The following TNIK variants were observed in gnomAD, a reference collection of about 807,000 sequenced individuals.
TNIK encodes the protein TRAF2 and NCK interacting kinase, also known as TRAF2 and NCK-interacting protein kinase.
In TNIK, 49 loss-of-function variants were observed where a neutral mutation model predicts 191.3. The observed-to-expected ratio is 0.26, with a 90% CI of 0.20 to 0.32. TNIK has a LOEUF of 0.32. Ranked by LOEUF, TNIK falls within the 10% of genes least tolerant of loss-of-function variation. The pLI, the probability that TNIK is intolerant of heterozygous loss-of-function variation, is 1.00. For missense variants in TNIK, 1,155 were observed against 1,702.3 expected, an observed-to-expected ratio of 0.68 and a Z score of 5.66; for synonymous variants, 594 against 600.9, an observed-to-expected ratio of 0.99 and a Z score of 0.17.
chr3:171,246,593 A>G (rs1365650221), intron 2 of TNIK, among the ~76,000 whole-genome samples: 1 of 152,138 alleles, frequency 6.6e-6, no homozygotes, highest in Non-Finnish European at 1.5e-5. Flanking sequence ...TGACTTCTGC[A>G]TTTTCTTTAT....
chr3:171,343,010 A>T (rs1711539732), intron 2 of TNIK, among the ~76,000 whole-genome samples: 1 of 152,230 alleles, frequency 6.6e-6, no homozygotes, highest in South Asian at 2.1e-4. Flanking sequence ...TTCCACCATA[A>T]TAATGAGGCC....
chr3:171,201,128 A>G (rs969767835), intron 4 of TNIK, among the ~76,000 whole-genome samples: 3 of 152,186 alleles, frequency 2.0e-5, no homozygotes, highest in Non-Finnish European at 4.4e-5. Context: ...GGCTGGGCAC[A>G]GTGGCTTACG....
Position 171,140,525 on chromosome 3 carries a change from C to G in TNIK, c.1222-16G>C. 1 of 1,611,680 alleles carries G rather than the reference C, an allele frequency of 6.2e-7. No individual in the cohort carries two copies. The highest frequency in any genetic ancestry group is 8.5e-7 in the Non-Finnish European group (1 of 1,178,778). On this transcript the variant is annotated splice_polypyrimidine_tract_variant and intron_variant, in intron 12 of 32. Transcript: ENST00000436636. ...GCCTTTGTTGCTGTGGGGCAACAAG[C>G]AGACAACCATGAAGGCAACAGGCCC...
In TNIK at chr3:171,366,554, AATTAT is replaced by A. The variant is rs1288874734; in HGVS notation, c.123+3061_123+3065del. Among the ~76,000 whole-genome samples, 1 of 152,106 alleles carries A rather than the reference AATTAT, an allele frequency of 6.6e-6. No homozygotes were observed. The highest frequency in any genetic ancestry group is 2.4e-5 in the African/African-American group (1 of 41,438). The stretch of plus-strand genomic sequence containing the variant: ...TTTCTTTAAAACTACCTGTAAACAA[AATTAT>A]ATTATGACTCTCTTAGGGCAGCTTA... On this transcript the variant is annotated intron_variant, in intron 2 of 32. Coordinates refer to ENST00000436636, the MANE Select transcript of TNIK (RefSeq NM_015028.4). This position sits in a 1 kb window ranked among gnomAD's most constrained non-coding sequence, Gnocchi z 4.1.
At chr3:171,434,129 T>C (rs963039833) in intron 1 of TNIK, among the ~76,000 whole-genome samples, 4 of 151,754 alleles carry the variant, frequency 2.6e-5, no homozygotes, top group Non-Finnish European at 5.9e-5. Context: ...AGAGGCAGGG[T>C]TTTGCCATAT....
At chr3:171,141,055 G>A (rs979353946) in intron 12 of TNIK, among the ~76,000 whole-genome samples, 2 of 152,128 alleles carry the variant, frequency 1.3e-5, no homozygotes, top group East Asian at 3.9e-4. Context: ...GCCTGTCTGT[G>A]TTTTCTGGAG....
rs1250978149 is a variant in TNIK, at chr3:171,154,278, T to G, written c.1221+3182A>C. 2.0e-5 allele frequency among the ~76,000 whole-genome samples: 3 copies of G among 149,892 alleles called. No individual in the cohort carries two copies. The East Asian group carries it at 5.9e-4, about 29-fold the overall frequency. On this transcript the variant is annotated intron_variant, in intron 12 of 32. Transcript: ENST00000436636. ...TCTCTTCAAAAAAAAAAAAAAAAAT[T>G]CATGGGATGGAGCCAAAGTGTATAT... is the stretch of plus-strand genomic sequence containing the variant.
chr3:171,371,919 A>G (rs574845537), intron 1 of TNIK, among the ~76,000 whole-genome samples: 3 of 148,882 alleles, frequency 2.0e-5, no homozygotes, highest in Non-Finnish European at 3.0e-5. Flanking sequence ...TGTTTTCAAC[A>G]TTCATTTTTC....
intron 2 of TNIK, among the ~76,000 whole-genome samples, chr3:171,235,769 G>T (rs371427914): frequency 2.0e-5 from 1 of 49,354 alleles, no homozygotes; most frequent in Admixed American, 2.0e-4. Flanking sequence ...TTGTTTTGGT[G>T]GGGGGGGGGT....
intron 2 of TNIK, among the ~76,000 whole-genome samples, chr3:171,302,194 C>T (rs1752960547): frequency 6.6e-6 from 1 of 152,124 alleles, no homozygotes; most frequent in South Asian, 2.1e-4. Context: ...TAAGGGGCCA[C>T]TTGGATGAAG....
Position 171,258,165 on chromosome 3 carries a change from T to C in TNIK, c.124-29944A>G, listed in dbSNP as rs192535188. Among the ~76,000 whole-genome samples, 204 of 152,280 alleles carry C rather than the reference T, an allele frequency of 1.3e-3. 3 individuals carry two copies. The East Asian group carries it at 0.031, about 23-fold the overall frequency. On this transcript the variant is annotated intron_variant, in intron 2 of 32. Transcript: ENST00000436636. The stretch of plus-strand genomic sequence containing the variant: ...AGACACGTGGGCAGTAAAATATAGC[T>C]GTACCAAGGCTTTGTGGCCATAACT...
chr3:171,117,698 C>T lies in TNIK; in HGVS notation c.2120+5898G>A, dbSNP rs186162162. On this transcript the variant is annotated intron_variant, in intron 18 of 32. Coordinates refer to ENST00000436636, the MANE Select transcript of TNIK (RefSeq NM_015028.4). ...TAAAAATATGTTCTCTGGCCGGGCG[C>T]GGTGGCTCACACCTGTAATCCCAGC... 9.1e-4 allele frequency among the ~76,000 whole-genome samples: 138 copies of T among 152,242 alleles called. 1 individual carries two copies. In the Middle Eastern group the frequency reaches 0.031, roughly 34 times the overall value.
chr3:171,388,652 G>T (rs1469876565), intron 1 of TNIK, among the ~76,000 whole-genome samples: 1 of 152,140 alleles, frequency 6.6e-6, no homozygotes, highest in East Asian at 1.9e-4. Context: ...TACTTCAACT[G>T]CTTTCAGTTA....
At position 171,085,153 on chromosome 3, in the gene TNIK, T is replaced by G; in HGVS notation, c.2963A>C (p.Asp988Ala). 6.2e-7 allele frequency: 1 copy of G among 1,611,706 alleles called. No individual in the cohort carries two copies. The highest frequency in any genetic ancestry group is 8.5e-7 in the Non-Finnish European group (1 of 1,178,968). Residue 988 changes from aspartate to alanine, a missense_variant, in exon 25 of 33, where the codon GAT becomes GCT. Around this residue, in one of 3 missense-constraint regions of TNIK, gnomAD observed 735 missense variants for 848.0 expected, o/e 0.87. Transcript: ENST00000436636. ...DPRVYQTSPT[D>A]EDEEDEESSA... ...TGATTCCTCATCCTCTTCATCTTCA[T>G]CAGTGGGAGACGTCTGGTATACTCT...
chr3:171,305,151 T>C (rs1281111094), intron 2 of TNIK, among the ~76,000 whole-genome samples: 1 of 151,488 alleles, frequency 6.6e-6, no homozygotes, highest in African/African-American at 2.4e-5. Flanking sequence ...TTAACAGCAC[T>C]AGTCACTTAG....
intron 28 of TNIK, among the ~76,000 whole-genome samples, chr3:171,071,718 GA>G (rs1719209456): frequency 6.6e-6 from 1 of 152,118 alleles, no homozygotes; most frequent in Non-Finnish European, 1.5e-5. Flanking sequence ...CAAGATGGTA[GA>G]AAAATTAGCA....
intron 2 of TNIK, among the ~76,000 whole-genome samples, chr3:171,357,259 ACT>A (rs1714226182): frequency 6.6e-6 from 1 of 151,330 alleles, no homozygotes; most frequent in African/African-American, 2.4e-5. Context: ...AACATATCTC[ACT>A]GAGTTAGGGC....
chr3:171,218,744 CTATA>C (rs1408245670), intron 3 of TNIK, among the ~76,000 whole-genome samples: 1 of 144,550 alleles, frequency 6.9e-6, no homozygotes, highest in East Asian at 2.0e-4. Context: ...ATTGTATACA[CTATA>C]TATGCATTAT....
intron 3 of TNIK, among the ~76,000 whole-genome samples, chr3:171,211,664 G>T (rs999679427): frequency 2.6e-5 from 4 of 152,098 alleles, no homozygotes. Flanking sequence ...TTTAAATTTT[G>T]TTAGGTTCAT....
Sources: gnomAD v4.1 joint callset for allele counts (sites outside exome capture counted in the v4.1 genomes callset) on GRCh38, gnomAD v4.1.1 for gene constraint, gnomAD v4.1.1 regional missense constraint, Gnocchi (gnomAD v3.1) non-coding constraint, MANE v1.5 for transcripts, NCBI Gene and HGNC (gene_info 2026-07-23, HGNC 2026-07-21) for gene names.